Variants in REDIC1 observed in about 807,000 individuals in gnomAD.
REDIC1 encodes HEI10 Interacting Protein 1.
At chr12:39,889,328 A>G in the REDIC1 span, among the ~76,000 whole-genome samples, 2 of 152,046 alleles carry the variant, frequency 1.3e-5, no homozygotes, top group Non-Finnish European at 2.9e-5. Flanking sequence ...CAGGATTTAT[A>G]TATCTATATA....
the REDIC1 span, among the ~76,000 whole-genome samples, chr12:39,882,971 G>A: frequency 6.6e-6 from 1 of 152,104 alleles, no homozygotes; most frequent in Non-Finnish European, 1.5e-5. Context: ...ACCAAAGCAG[G>A]TTTATGAATA....
chr12:39,841,754 A>G, the REDIC1 span, among the ~76,000 whole-genome samples: 2 of 152,054 alleles, frequency 1.3e-5, no homozygotes, highest in African/African-American at 4.8e-5. Flanking sequence ...AACAGTAACT[A>G]ATCTTCTCTG....
the REDIC1 span, among the ~76,000 whole-genome samples, chr12:39,669,980 C>G: frequency 1.3e-5 from 2 of 152,130 alleles, no homozygotes; most frequent in Non-Finnish European, 2.9e-5. Context: ...GAGGGAATTC[C>G]CTGATCCCTT....
chr12:39,780,768 AATAC>A, the REDIC1 span, among the ~76,000 whole-genome samples: 2 of 152,218 alleles, frequency 1.3e-5, no homozygotes, highest in Non-Finnish European at 2.9e-5. Flanking sequence ...GTCTTTTAAT[AATAC>A]ATACACGAAA....
the REDIC1 span, among the ~76,000 whole-genome samples, chr12:39,652,676 G>A: frequency 6.6e-6 from 1 of 152,046 alleles, no homozygotes; most frequent in Non-Finnish European, 1.5e-5. Context: ...AGGTCATGAA[G>A]ATTTTCTTCT....
the REDIC1 span, among the ~76,000 whole-genome samples, chr12:39,822,811 T>C: frequency 6.6e-6 from 1 of 152,208 alleles, no homozygotes; most frequent in East Asian, 1.9e-4. Context: ...AAATGAAAGG[T>C]AGTTAAATAT....
At chr12:39,882,885 A>T in the REDIC1 span, among the ~76,000 whole-genome samples, 7 of 152,212 alleles carry the variant, frequency 4.6e-5, no homozygotes, top group African/African-American at 1.4e-4. Flanking sequence ...ACTTAGATAT[A>T]CATCATATTT....
the REDIC1 span, among the ~76,000 whole-genome samples, chr12:39,820,274 C>CA: frequency 6.6e-6 from 1 of 152,140 alleles, no homozygotes; most frequent in Admixed American, 6.6e-5. Flanking sequence ...CAAGTGAAGA[C>CA]AGAGTGAAGG....
At chr12:39,860,996 T>C in the REDIC1 span, among the ~76,000 whole-genome samples, 1 of 152,340 alleles carries the variant, frequency 6.6e-6, no homozygotes, top group East Asian at 1.9e-4. Context: ...CTCTACATGA[T>C]TTGGCTCTGA....
At chr12:39,692,045 C>T in the REDIC1 span, 2 of 1,565,940 alleles carry the variant, frequency 1.3e-6, no homozygotes, top group East Asian at 4.6e-5. Flanking sequence ...TGGTTTTCTC[C>T]TAGATTCTGA....
At chr12:39,698,412 A>T in the REDIC1 span, among the ~76,000 whole-genome samples, 1 of 54,122 alleles carries the variant, frequency 1.8e-5, no homozygotes. Flanking sequence ...AGACTTCAAC[A>T]TTCCTCTTTT....
the REDIC1 span, among the ~76,000 whole-genome samples, chr12:39,711,408 T>G: frequency 9.2e-5 from 13 of 140,656 alleles, no homozygotes; most frequent in African/African-American, 3.3e-4. Flanking sequence ...TACACATAGA[T>G]GTATATATGT....
chr12:39,877,392 G>A, the REDIC1 span, among the ~76,000 whole-genome samples: 1 of 151,958 alleles, frequency 6.6e-6, no homozygotes, highest in East Asian at 1.9e-4. Flanking sequence ...GAACAGAATT[G>A]GAACCCCCCC....
chr12:39,907,552 T>C, the REDIC1 span: 1 of 152,126 alleles, frequency 6.6e-6, no homozygotes, highest in South Asian at 2.1e-4. Context: ...CTGCCCATAA[T>C]GTAGAGTGAT....
the REDIC1 span, among the ~76,000 whole-genome samples, chr12:39,853,438 GA>G: frequency 6.6e-6 from 1 of 151,654 alleles, no homozygotes; most frequent in Admixed American, 6.6e-5. Context: ...AAGCCTGGGA[GA>G]AAAAAAGGGA....
chr12:39,743,256 G>A, the REDIC1 span, among the ~76,000 whole-genome samples: 1 of 152,140 alleles, frequency 6.6e-6, no homozygotes, highest in African/African-American at 2.4e-5. Flanking sequence ...TACTGTAGCT[G>A]TCCTTTCCCA....
chr12:39,689,117 T>C, the REDIC1 span, among the ~76,000 whole-genome samples: 776 of 152,312 alleles, frequency 5.1e-3, 5 homozygotes, highest in Non-Finnish European at 8.2e-3. Flanking sequence ...AGAAGTGATG[T>C]GCATCATTTT....
chr12:39,779,048 C>T, the REDIC1 span, among the ~76,000 whole-genome samples: 22 of 152,186 alleles, frequency 1.4e-4, no homozygotes, highest in Non-Finnish European at 1.8e-4. Flanking sequence ...GAATATGAGA[C>T]ACTTTCCCCC....
chr12:39,631,125 AG>A, the REDIC1 span, among the ~76,000 whole-genome samples: 7 of 152,104 alleles, frequency 4.6e-5, no homozygotes, highest in Admixed American at 3.9e-4. Flanking sequence ...CCTGACCTCA[AG>A]TGATCCCCCC....
Sources: allele counts gnomAD v4.1 joint callset (sites outside exome capture counted in the v4.1 genomes callset), GRCh38; gene constraint gnomAD v4.1.1; transcripts MANE v1.5; gene names NCBI Gene and HGNC (gene_info 2026-07-23, HGNC 2026-07-21).